GRM5: variants seen among roughly 807,000 people sequenced by gnomAD.
The protein encoded by GRM5 is metabotropic glutamate receptor 5.
Under a neutral mutation model 83.1 loss-of-function variants are expected in GRM5, and 19 were observed. That is an observed-to-expected ratio of 0.23 (90% CI 0.16 to 0.34). The LOEUF is 0.34. GRM5 is among the 10% of genes least tolerant of loss of function. The pLI, the probability that GRM5 is intolerant of heterozygous loss-of-function variation, is 1.00. For missense variants in GRM5, 1,160 were observed against 1,588.3 expected (o/e 0.73, Z 4.58); for synonymous variants, 675 against 633.6 (o/e 1.07, Z -0.98).
chr11:88,582,832 T>C (rs1162649829), intron 7 of GRM5, among the ~76,000 whole-genome samples: 3 of 152,140 alleles, frequency 2.0e-5, no homozygotes, highest in East Asian at 3.9e-4. Context: ...TTTTTTTCCT[T>C]CTATAATTTC....
intron 2 of GRM5, among the ~76,000 whole-genome samples, chr11:88,851,410 A>C (rs553317472): frequency 3.9e-5 from 6 of 152,200 alleles, no homozygotes; most frequent in African/African-American, 1.4e-4. Flanking sequence ...TATCAAATTA[A>C]TAAGGAGCAC....
At chr11:88,735,806 T>C (rs1372667764) in intron 3 of GRM5, among the ~76,000 whole-genome samples, 1 of 152,078 alleles carries the variant, frequency 6.6e-6, no homozygotes, top group Non-Finnish European at 1.5e-5. Context: ...GTTAATACTG[T>C]CCTTCACACT....
At chr11:88,713,824 A>G (rs1941338741) in intron 3 of GRM5, among the ~76,000 whole-genome samples, 1 of 152,038 alleles carries the variant, frequency 6.6e-6, no homozygotes, top group South Asian at 2.1e-4. Context: ...AAAGAAAAAA[A>G]TATTCCAATT....
chr11:88,856,119 G>T (rs1944471764), intron 2 of GRM5, among the ~76,000 whole-genome samples: 1 of 151,884 alleles, frequency 6.6e-6, no homozygotes, highest in African/African-American at 2.4e-5. Context: ...TTCCTCACAA[G>T]GAAATTAAGA....
chr11:88,563,512 G>C (rs1942803797), intron 8 of GRM5, among the ~76,000 whole-genome samples: 2 of 152,096 alleles, frequency 1.3e-5, no homozygotes. Flanking sequence ...CAGAAACAGA[G>C]GGCATACCCA....
chr11:88,539,964 C>T (rs770579258), intron 8 of GRM5, among the ~76,000 whole-genome samples: 2 of 152,156 alleles, frequency 1.3e-5, no homozygotes, highest in African/African-American at 2.4e-5. Context: ...TCTCACTACA[C>T]CGTAAAGTTT....
intron 3 of GRM5, among the ~76,000 whole-genome samples, chr11:88,742,525 C>T (rs550773321): frequency 6.6e-6 from 1 of 152,096 alleles, no homozygotes; most frequent in African/African-American, 2.4e-5. Flanking sequence ...CTTTAATTTG[C>T]TAACCAAGGG....
Position 88,567,073 on chromosome 11 carries a change from G to T in GRM5, c.2610C>A (p.Gly870=), listed in dbSNP as rs199614396. ...TTTACCTTAAGGTTTCCCCAGAGGA[G>T]CCCCTTCTCTTCCACAGGTTGACTA... ...SSLVNLWKRR[G]SSGETLRYKD... is the part of the protein sequence containing the mutation. Residue 870 remains glycine, a synonymous_variant, in exon 8 of 10, where the codon GGC becomes GGA. Coordinates refer to ENST00000305447, the MANE Select transcript of GRM5 (RefSeq NM_001143831.3). This position sits in a 1 kb window ranked among gnomAD's most constrained non-coding sequence, Gnocchi z 7.3. 1.3e-3 allele frequency: 2,101 copies of T among 1,611,712 alleles called. 50 individuals carry two copies. In the South Asian group the frequency reaches 0.022, roughly 17 times the overall value.
At chr11:88,991,328 G>A (rs1939960805) in intron 2 of GRM5, among the ~76,000 whole-genome samples, 1 of 151,936 alleles carries the variant, frequency 6.6e-6, no homozygotes, top group Non-Finnish European at 1.5e-5. Context: ...CCTCTTCAAG[G>A]AGAACTACAA....
At chr11:88,540,453 A>G (rs921257162) in intron 8 of GRM5, among the ~76,000 whole-genome samples, 2 of 152,120 alleles carry the variant, frequency 1.3e-5, no homozygotes, top group African/African-American at 2.4e-5. Context: ...TTTTGCCTAT[A>G]TACATGCGAG....
intron 2 of GRM5, among the ~76,000 whole-genome samples, chr11:88,923,858 A>G (rs648702): frequency 0.36 from 54,407 of 150,814 alleles, 10,056 homozygotes; most frequent in African/African-American, 0.38. Flanking sequence ...ATTCATATAT[A>G]TTCGTATTTA....
chr11:88,722,269 T>C (rs72962564), intron 3 of GRM5, among the ~76,000 whole-genome samples: 6,773 of 152,142 alleles, frequency 0.045, 166 homozygotes, highest in Middle Eastern at 0.075. Context: ...TGTGGAAAAA[T>C]GAGTTGGTAT....
chr11:88,673,728 A>G lies in GRM5; in HGVS notation c.912-20325T>C, dbSNP rs75916409. Among the ~76,000 whole-genome samples the G allele has an allele frequency of 3.8e-3, 576 of 151,950 alleles. 3 individuals are homozygous for G. Among genetic ancestry groups the G allele is most frequent in the African/African-American group, 0.013 (554 of 41,524 alleles). On this transcript the variant is annotated intron_variant, in intron 3 of 9. Transcript: ENST00000305447. ...TCATACTTGAATGTCCAGTTAGAGC[A>G]TAAGTCATATCTCAGACAGAAAGAG...
intron 3 of GRM5, among the ~76,000 whole-genome samples, chr11:88,737,332 T>C (rs561620217): frequency 1.3e-5 from 2 of 152,190 alleles, no homozygotes; most frequent in African/African-American, 4.8e-5. Flanking sequence ...TACAGCTATG[T>C]TGAAGTCAAG....
At chr11:88,536,733 T>A (rs1942143036) in intron 8 of GRM5, among the ~76,000 whole-genome samples, 1 of 152,200 alleles carries the variant, frequency 6.6e-6, no homozygotes, top group South Asian at 2.1e-4. Flanking sequence ...TTTTAAAACA[T>A]CTTAGGGAAA....
intron 3 of GRM5, among the ~76,000 whole-genome samples, chr11:88,832,536 C>T (rs976790790): frequency 6.6e-6 from 1 of 152,076 alleles, no homozygotes; most frequent in Admixed American, 6.6e-5. Flanking sequence ...AATGACCATA[C>T]TGCTCAAAGC....
chr11:88,841,152 A>G (rs1944193279), intron 3 of GRM5, among the ~76,000 whole-genome samples: 2 of 152,190 alleles, frequency 1.3e-5, no homozygotes, highest in Non-Finnish European at 2.9e-5. Flanking sequence ...ATTCTTTACT[A>G]ATAAATGTTC....
intron 3 of GRM5, among the ~76,000 whole-genome samples, chr11:88,802,733 G>A (rs932999569): frequency 6.6e-6 from 1 of 150,688 alleles, no homozygotes; most frequent in Non-Finnish European, 1.5e-5. Context: ...TAGGAAAAGA[G>A]GAAGTCAAAT....
At chr11:88,781,544 G>A (rs935463540) in intron 3 of GRM5, among the ~76,000 whole-genome samples, 3 of 152,124 alleles carry the variant, frequency 2.0e-5, no homozygotes, top group African/African-American at 7.2e-5. Context: ...GAATTTCCAG[G>A]CAGGCTGATT....
Sources: allele counts gnomAD v4.1 joint callset (sites outside exome capture counted in the v4.1 genomes callset), GRCh38; gene constraint gnomAD v4.1.1; non-coding constraint Gnocchi (gnomAD v3.1); transcripts MANE v1.5; gene names NCBI Gene and HGNC (gene_info 2026-07-23, HGNC 2026-07-21).